Variants in NKX2-8 observed in about 807,000 individuals in gnomAD.
NKX2-8 encodes homeobox protein Nkx-2.8.
In NKX2-8, 8 loss-of-function variants were observed where a neutral mutation model predicts 6.4. The observed-to-expected ratio is 1.24, with a 90% CI of 0.73 to 2.24. The LOEUF (loss-of-function observed/expected upper bound fraction) is 2.24, where lower values mean the gene tolerates loss of function less well. Among genes scored for constraint, NKX2-8 ranks in the 30% most tolerant of loss-of-function variants. NKX2-8 has a pLI of 0.00. For missense variants in NKX2-8, 406 were observed against 351.1 expected (o/e 1.16, Z -1.25); for synonymous variants, 216 against 171.5 (o/e 1.26, Z -2.03).
At chr14:36,582,188 C>G in intron 1 of NKX2-8, 45 bp downstream of exon 1, 1 of 1,556,596 alleles carries the variant, frequency 6.4e-7, no homozygotes, top group Non-Finnish European at 8.7e-7. Context: ...TGCTGCCCCA[C>G]GCCTCCTACC....
At position 36,580,912 on chromosome 14, in the gene NKX2-8, C is replaced by T; in HGVS notation, c.710G>A (p.Trp237Ter). 1.5e-6 allele frequency: 2 copies of T among 1,325,504 alleles called. No individual in the cohort carries two copies. Among genetic ancestry groups the T allele is most frequent in the Non-Finnish European group, 1.9e-6 (2 of 1,045,092 alleles). The allele number at this position is 1,325,504 out of a possible 1,614,324, so 82.1% of individuals were successfully genotyped here. The stretch of plus-strand genomic sequence containing the variant: ...TGCCGCCCTGCGGCCTCACCAGTTC[C>T]AGGAGACCAGGGCGGGGGATGCTAA... ...QHLASPALVS[W>*]NW The change falls in exon 2 of 2, where the codon TGG becomes TAG. Residue 237 changes from tryptophan to a stop codon, truncating the protein, a stop_gained. Coordinates refer to ENST00000258829, the MANE Select transcript of NKX2-8 (RefSeq NM_014360.4). LOFTEE classifies it high-confidence loss of function.
In NKX2-8 at chr14:36,580,180, G is replaced by A. The variant is rs1013697591; in HGVS notation, c.*722C>T. Among the ~76,000 whole-genome samples the A allele has an allele frequency of 1.3e-5, 2 of 152,130 alleles. No individual in the cohort carries two copies. The highest frequency in any genetic ancestry group is 2.9e-5 in the Non-Finnish European group (2 of 68,030). ...AGCGCGCCCCGCACCTGGCCTCGCC[G>A]GCTCATCTCCGGAGAAACTCCTTCT... is the stretch of plus-strand genomic sequence containing the variant. On this transcript the variant is annotated 3_prime_UTR_variant, in exon 2 of 2. Transcript: ENST00000258829.
In NKX2-8 at chr14:36,580,762, G is replaced by T; in HGVS notation, c.*140C>A. ...TGCTTGCGCGACGGCTGATGAGGGCGCGCCAGGGACCCTGGCGCCCAAGGA... is the reference window on the plus strand; with the variant it reads ...TGCTTGCGCGACGGCTGATGAGGGCTCGCCAGGGACCCTGGCGCCCAAGGA... On this transcript the variant is annotated 3_prime_UTR_variant, in exon 2 of 2. Coordinates refer to ENST00000258829, the MANE Select transcript of NKX2-8 (RefSeq NM_014360.4). The T allele has an allele frequency of 1.9e-6, 1 of 532,732 alleles. No individual in the cohort carries two copies. Among genetic ancestry groups the T allele is most frequent in the East Asian group, 3.5e-5 (1 of 28,508 alleles). The allele number at this position is 532,732 out of a possible 1,614,324, so 33.0% of individuals were successfully genotyped here. A position where few individuals can be genotyped will look rare whatever the true frequency, so the allele number is the denominator to read the frequency against.
In NKX2-8 at chr14:36,581,269, G is replaced by C. The variant is rs775010365; in HGVS notation, c.353C>G (p.Ala118Gly). The C allele has an allele frequency of 6.2e-7, 1 of 1,605,918 alleles. No homozygotes were observed. Among genetic ancestry groups the C allele is most frequent in the Admixed American group, 1.7e-5 (1 of 58,964 alleles). The change falls in exon 2 of 2, where the codon GCG becomes GGG. Residue 118 changes from alanine to glycine, a missense_variant. Coordinates refer to ENST00000258829, the MANE Select transcript of NKX2-8 (RefSeq NM_014360.4). The surrounding 1 kb of genome is among the most constrained non-coding windows in gnomAD (Gnocchi z 5.6). Reference protein sequence around the residue: ...YLSAPEREQLASLLRLTPTQV... With the variant: ...YLSAPEREQLGSLLRLTPTQV... ...CGTGGGCGTGAGGCGAAGCAGGCTC[G>C]CCAGCTGCTCGCGCTCGGGCGCAGA... is the stretch of plus-strand genomic sequence containing the variant.
chr14:36,581,038 T>C lies in NKX2-8; in HGVS notation c.584A>G (p.Gln195Arg), dbSNP rs1594434394. 1 of 1,366,786 alleles carries C rather than the reference T, an allele frequency of 7.3e-7. No individual in the cohort carries two copies. The highest frequency in any genetic ancestry group is 1.8e-5 in the South Asian group (1 of 54,168). 84.7% of individuals were successfully genotyped at this position (1,366,786 alleles called of 1,614,324 possible). A position where few individuals can be genotyped will look rare whatever the true frequency, so the allele number is the denominator to read the frequency against. Residue 195 changes from glutamine to arginine, a missense_variant, in exon 2 of 2, where the codon CAG (glutamine) becomes CGG (arginine). Gln to Arg is a conservative substitution (Grantham distance 43). Transcript: ENST00000258829. This position sits in a 1 kb window ranked among gnomAD's most constrained non-coding sequence, Gnocchi z 5.6. The stretch of plus-strand genomic sequence containing the variant: ...GGCTGGAGGGGCGCCGCACTTCTCC[T>C]GGGCCGCGGCGGTTCCCACCTCGCC... ...GGGEVGTAAA[Q>R]EKCGAPPAAA... is the part of the protein sequence containing the mutation.
At position 36,582,495 on chromosome 14, in the gene NKX2-8, A is replaced by T; in HGVS notation, c.-106T>A. On this transcript the variant is annotated 5_prime_UTR_variant, in exon 1 of 2. Coordinates refer to ENST00000258829, the MANE Select transcript of NKX2-8 (RefSeq NM_014360.4). ...TGGGAGGCGCTCGCCATGCGCTGGC[A>T]GCCGGGATATTAGCGCATTTACAGC... 1 of 1,139,886 alleles carries T rather than the reference A, an allele frequency of 8.8e-7. No individual in the cohort carries two copies. The highest frequency in any genetic ancestry group is 3.0e-5 in the Admixed American group (1 of 32,814). The allele number at this position is 1,139,886 out of a possible 1,614,324, so 70.6% of individuals were successfully genotyped here.
rs760634704 is a variant in NKX2-8 at position 36,581,379 on chromosome 14, G to C, written c.243C>G (p.Ala81=). 3.8e-6 allele frequency: 6 copies of C among 1,592,648 alleles called. No individual in the cohort carries two copies. In the East Asian group the frequency reaches 9.1e-5, roughly 24 times the overall value. The change falls in exon 2 of 2, where the codon GCC becomes GCG. Residue 81 remains alanine, a synonymous_variant. Transcript: ENST00000258829. This position sits in a 1 kb window ranked among gnomAD's most constrained non-coding sequence, Gnocchi z 5.6. ...SARPASPGSD[A]EKRKKRRVLF... Reference sequence around the variant, plus strand: ...GCACCCGCCGCTTCTTCCTTTTCTCGGCGTCCGAGCCCGGAGACGCGGGCC... The same window carrying C: ...GCACCCGCCGCTTCTTCCTTTTCTCCGCGTCCGAGCCCGGAGACGCGGGCC...
Position 36,582,313 on chromosome 14 carries a change from G to A in NKX2-8, c.77C>T (p.Pro26Leu). The change falls in exon 1 of 2, where the codon CCG (proline) becomes CTG (leucine). Residue 26 changes from proline to leucine, a missense_variant. Coordinates refer to ENST00000258829, the MANE Select transcript of NKX2-8 (RefSeq NM_014360.4). ...GGCGCGTGGTTCTGGCTCCCGCCTC[G>A]GCAGGTGTTGCGCGTCCTGCTCGGG... ...DLPEQDAQHL[P>L]RREPEPRAPQ... is the part of the protein sequence containing the mutation. 6.2e-7 allele frequency: 1 copy of A among 1,607,788 alleles called. No individual in the cohort carries two copies. The highest frequency in any genetic ancestry group is 8.5e-7 in the Non-Finnish European group (1 of 1,176,728).
In NKX2-8 at chr14:36,581,981, C is replaced by G. The variant is rs910967485; in HGVS notation, c.157+252G>C. 6.6e-6 allele frequency among the ~76,000 whole-genome samples: 1 copy of G among 152,126 alleles called. No homozygotes were observed. The highest frequency in any genetic ancestry group is 2.4e-5 in the African/African-American group (1 of 41,422). ...CGTTTTAAATTTCAATTATTCCGACCTCTAGAAATCGTCAGACACAGAAAC... is the reference window on the plus strand; with the variant it reads ...CGTTTTAAATTTCAATTATTCCGACGTCTAGAAATCGTCAGACACAGAAAC... On this transcript the variant is annotated intron_variant, in intron 1 of 1. Transcript: ENST00000258829. This position sits in a 1 kb window ranked among gnomAD's most constrained non-coding sequence, Gnocchi z 5.6.
Position 36,582,590 on chromosome 14 carries a change from G to A in NKX2-8, c.-201C>T, listed in dbSNP as rs1388092405. 1.6e-5 allele frequency: 8 copies of A among 494,300 alleles called. No individual in the cohort carries two copies. The highest frequency in any genetic ancestry group is 2.1e-5 in the Non-Finnish European group (6 of 289,440). The allele number at this position is 494,300 out of a possible 1,614,324, so 30.6% of individuals were successfully genotyped here. A position where few individuals can be genotyped will look rare whatever the true frequency, so the allele number is the denominator to read the frequency against. ...TGAAAGCCGAGGTCCGGGTCTCCAG[G>A]GTGTTAAGTACCTGAATGAGCACTG... On this transcript the variant is annotated 5_prime_UTR_variant, in exon 1 of 2. Coordinates refer to ENST00000258829, the MANE Select transcript of NKX2-8 (RefSeq NM_014360.4).
chr14:36,580,881 C>G lies in NKX2-8; in HGVS notation c.*21G>C. ...AGCGCGCTCCAAAGTCGAGGGTAGC[C>G]CCAGGTGCCGCCCTGCGGCCTCACC... On this transcript the variant is annotated 3_prime_UTR_variant, in exon 2 of 2. Transcript: ENST00000258829. 7.8e-7 allele frequency: 1 copy of G among 1,288,784 alleles called. No individual in the cohort carries two copies. The highest frequency in any genetic ancestry group is 9.8e-7 in the Non-Finnish European group (1 of 1,022,102). 79.8% of individuals were successfully genotyped at this position (1,288,784 alleles called of 1,614,324 possible).
Position 36,580,572 on chromosome 14 carries a change from C to A in NKX2-8, c.*330G>T, listed in dbSNP as rs1299007388. Reference sequence around the variant, plus strand: ...GGGACCCAACCCCACACATTTTATTCTCGAACTACGAGGAAAAATACTCTA... The same window carrying A: ...GGGACCCAACCCCACACATTTTATTATCGAACTACGAGGAAAAATACTCTA... On this transcript the variant is annotated 3_prime_UTR_variant, in exon 2 of 2. Coordinates refer to ENST00000258829, the MANE Select transcript of NKX2-8 (RefSeq NM_014360.4). 2 of 204,672 alleles carry A rather than the reference C, an allele frequency of 9.8e-6. No individual in the cohort carries two copies. The highest frequency in any genetic ancestry group is 1.9e-5 in the Non-Finnish European group (2 of 102,962). The allele number at this position is 204,672 out of a possible 1,614,324, so 12.7% of individuals were successfully genotyped here.
Position 36,581,172 on chromosome 14 carries a change from C to T in NKX2-8, c.450G>A (p.Ser150=). The change falls in exon 2 of 2, where the codon TCG becomes TCA. Residue 150 remains serine, a synonymous_variant. Coordinates refer to ENST00000258829, the MANE Select transcript of NKX2-8 (RefSeq NM_014360.4). This position sits in a 1 kb window ranked among gnomAD's most constrained non-coding sequence, Gnocchi z 5.6. ...GCTCGGCGGATGCTGCCAGGTCAGG[C>T]GACTCCGCCGCCCCTGGAGCGCGAG... The part of the protein sequence containing the change: ...KRARAPGAAE[S]PDLAASAELH... 12 of 1,595,418 alleles carry T rather than the reference C, an allele frequency of 7.5e-6. No homozygotes were observed. The highest frequency in any genetic ancestry group is 1.0e-5 in the Non-Finnish European group (12 of 1,175,072).
rs1472810050 is a variant in NKX2-8 at position 36,582,267 on chromosome 14, G to A, written c.123C>T (p.Ala41=). 1.2e-6 allele frequency: 2 copies of A among 1,608,756 alleles called. No homozygotes were observed. Among genetic ancestry groups the A allele is most frequent in the East Asian group, 2.2e-5 (1 of 44,456 alleles). The change falls in exon 1 of 2, where the codon GCC becomes GCT. Residue 41 remains alanine, a synonymous_variant. Transcript: ENST00000258829. ...GGCCGCGCTCCGAATCCAGCCAGGC[G>A]GCGCAGGGGTCGGGCTGGGGGGCGC... ...EPRAPQPDPC[A]AWLDSERGHY...
chr14:36,581,038 T>A lies in NKX2-8; in HGVS notation c.584A>T (p.Gln195Leu). The A allele has an allele frequency of 7.3e-7, 1 of 1,366,786 alleles. No homozygotes were observed. The highest frequency in any genetic ancestry group is 3.0e-5 in the East Asian group (1 of 33,024). The allele number at this position is 1,366,786 out of a possible 1,614,324, so 84.7% of individuals were successfully genotyped here. A position where few individuals can be genotyped will look rare whatever the true frequency, so the allele number is the denominator to read the frequency against. ...GGCTGGAGGGGCGCCGCACTTCTCCTGGGCCGCGGCGGTTCCCACCTCGCC... is the reference window on the plus strand; with the variant it reads ...GGCTGGAGGGGCGCCGCACTTCTCCAGGGCCGCGGCGGTTCCCACCTCGCC... The part of the protein sequence containing the change: ...GGGEVGTAAA[Q>L]EKCGAPPAAA... The change falls in exon 2 of 2, where the codon CAG (glutamine) becomes CTG (leucine). Residue 195 changes from glutamine to leucine, a missense_variant. By Grantham distance (113) the Gln-to-Leu change is moderately radical. Transcript: ENST00000258829. The surrounding 1 kb of genome is among the most constrained non-coding windows in gnomAD (Gnocchi z 5.6).
chr14:36,582,510 G>GGAAT lies in NKX2-8; in HGVS notation c.-122_-121insATTC. The stretch of plus-strand genomic sequence containing the variant: ...ATGCGCTGGCAGCCGGGATATTAGC[G>GGAAT]CATTTACAGCGGAATCTCTGTTTAT... On this transcript the variant is annotated 5_prime_UTR_variant, in exon 1 of 2. The change abolishes the stop of an existing upstream ORF in the 5' untranslated region. Coordinates refer to ENST00000258829, the MANE Select transcript of NKX2-8 (RefSeq NM_014360.4). 1 of 979,750 alleles carries GGAAT rather than the reference G, an allele frequency of 1.0e-6. No individual in the cohort carries two copies. The highest frequency in any genetic ancestry group is 1.5e-6 in the Non-Finnish European group (1 of 687,396). The allele number at this position is 979,750 out of a possible 1,614,324, so 60.7% of individuals were successfully genotyped here.
Position 36,581,164 on chromosome 14 carries a change from A to G in NKX2-8, c.458T>C (p.Leu153Pro), listed in dbSNP as rs755132214. Reference protein sequence around the residue: ...RAPGAAESPDLAASAELHAAP... With the variant: ...RAPGAAESPDPAASAELHAAP... Reference sequence around the variant, plus strand: ...GGCGTGCAGCTCGGCGGATGCTGCCAGGTCAGGCGACTCCGCCGCCCCTGG... The same window carrying G: ...GGCGTGCAGCTCGGCGGATGCTGCCGGGTCAGGCGACTCCGCCGCCCCTGG... The change falls in exon 2 of 2, where the codon CTG becomes CCG. Residue 153 changes from leucine (L) to proline (P), a missense_variant. Transcript: ENST00000258829. This position sits in a 1 kb window ranked among gnomAD's most constrained non-coding sequence, Gnocchi z 5.6. 6.3e-7 allele frequency: 1 copy of G among 1,588,358 alleles called. No individual in the cohort carries two copies. Among genetic ancestry groups the G allele is most frequent in the Non-Finnish European group, 8.5e-7 (1 of 1,172,358 alleles).
At position 36,582,278 on chromosome 14, in the gene NKX2-8, C is replaced by G; in HGVS notation, c.112G>C (p.Asp38His). ...GAATCCAGCCAGGCGGCGCAGGGGT[C>G]GGGCTGGGGGGCGCGTGGTTCTGGC... Reference protein sequence around the residue: ...REPEPRAPQPDPCAAWLDSER... With the variant: ...REPEPRAPQPHPCAAWLDSER... The change falls in exon 1 of 2, where the codon GAC becomes CAC. Residue 38 changes from aspartate to histidine, a missense_variant. Asp to His is a moderately conservative substitution (Grantham distance 81). Coordinates refer to ENST00000258829, the MANE Select transcript of NKX2-8 (RefSeq NM_014360.4). 6.2e-7 allele frequency: 1 copy of G among 1,608,454 alleles called. No homozygotes were observed. Among genetic ancestry groups the G allele is most frequent in the Non-Finnish European group, 8.5e-7 (1 of 1,177,306 alleles).
At position 36,581,300 on chromosome 14, in the gene NKX2-8, A is replaced by G; in HGVS notation, c.322T>C (p.Tyr108His). The G allele has an allele frequency of 2.5e-6, 4 of 1,595,164 alleles. No individual in the cohort carries two copies. The highest frequency in any genetic ancestry group is 3.4e-6 in the Non-Finnish European group (4 of 1,171,696). Residue 108 changes from tyrosine to histidine, a missense_variant, in exon 2 of 2, where the codon TAC (tyrosine) becomes CAC (histidine). By Grantham distance (83) the Tyr-to-His change is moderately conservative. Coordinates refer to ENST00000258829, the MANE Select transcript of NKX2-8 (RefSeq NM_014360.4). This position sits in a 1 kb window ranked among gnomAD's most constrained non-coding sequence, Gnocchi z 5.6. ...ELERRFRQQR[Y>H]LSAPEREQLA... Reference sequence around the variant, plus strand: ...TGCTCGCGCTCGGGCGCAGACAGGTACCGCTGCTGCCGGAAGCGCCGCTCC... The same window carrying G: ...TGCTCGCGCTCGGGCGCAGACAGGTGCCGCTGCTGCCGGAAGCGCCGCTCC...
Sources: allele counts gnomAD v4.1 joint callset (sites outside exome capture counted in the v4.1 genomes callset), GRCh38; gene constraint gnomAD v4.1.1; non-coding constraint Gnocchi (gnomAD v3.1); transcripts MANE v1.5; gene names NCBI Gene and HGNC (gene_info 2026-07-23, HGNC 2026-07-21).